The following ZMAT3 variants were observed in gnomAD, a reference collection of about 807,000 sequenced individuals.
The protein encoded by ZMAT3 is zinc finger matrin-type protein 3.
Under a neutral mutation model 32.3 loss-of-function variants are expected in ZMAT3, and 17 were observed. The observed-to-expected ratio is 0.53, with a 90% CI of 0.36 to 0.79. The LOEUF is 0.79. Among genes scored for constraint, ZMAT3 ranks in the 30% least tolerant of loss-of-function variants. The pLI is 0.00. For missense variants in ZMAT3, 329 were observed against 359.7 expected (o/e 0.91, Z 0.69); for synonymous variants, 120 against 133.1 (o/e 0.90, Z 0.68).
rs1718791306 is a variant in ZMAT3 at position 179,025,057 on chromosome 3, T to A, written c.830A>T (p.Gln277Leu). Reference sequence around the variant, plus strand: ...ATTCTCCATCTCATTCCTGTACCGCTGTTCAGACACCTTGCTCTTATGTTG... The same window carrying A: ...ATTCTCCATCTCATTCCTGTACCGCAGTTCAGACACCTTGCTCTTATGTTG... ...SKQHKSKVSE[Q>L]RYRNEMENLG... The change falls in exon 6 of 6, where the codon CAG becomes CTG. Residue 277 changes from glutamine to leucine, a missense_variant. Transcript: ENST00000311417. 2.5e-6 allele frequency: 4 copies of A among 1,614,234 alleles called. No individual in the cohort carries two copies.
intron 2 of ZMAT3, among the ~76,000 whole-genome samples, chr3:179,065,779 G>T (rs1721382074): frequency 1.3e-5 from 2 of 152,080 alleles, no homozygotes; most frequent in South Asian, 4.1e-4. Flanking sequence ...GCTGGTGTGT[G>T]CCTGTAATCC....
At chr3:179,055,837 T>A (rs1391176866) in intron 2 of ZMAT3, among the ~76,000 whole-genome samples, 1 of 151,932 alleles carries the variant, frequency 6.6e-6, no homozygotes, top group Non-Finnish European at 1.5e-5. Context: ...AGCCCGAGAG[T>A]TTGGCGATCT....
intron 2 of ZMAT3, among the ~76,000 whole-genome samples, chr3:179,036,169 A>G (rs1321249175): frequency 6.6e-6 from 1 of 152,246 alleles, no homozygotes; most frequent in East Asian, 1.9e-4. Context: ...TCAGGGTAGC[A>G]GACCAAAGCT....
In ZMAT3 at chr3:179,024,784, C is replaced by T; in HGVS notation, c.*233G>A. 1 of 507,766 alleles carries T rather than the reference C, an allele frequency of 2.0e-6. No individual in the cohort carries two copies. Among genetic ancestry groups the T allele is most frequent in the Non-Finnish European group, 3.6e-6 (1 of 279,652 alleles). The allele number at this position is 507,766 out of a possible 1,614,324, so 31.5% of individuals were successfully genotyped here. A position where few individuals can be genotyped will look rare whatever the true frequency, so the allele number is the denominator to read the frequency against. The stretch of plus-strand genomic sequence containing the variant: ...AGGTCACATGCTATGAGCGGCTCAA[C>T]ACCATTGACCCTGCAAAAGCGTTAT... On this transcript the variant is annotated 3_prime_UTR_variant, in exon 6 of 6. Transcript: ENST00000311417.
intron 2 of ZMAT3, among the ~76,000 whole-genome samples, chr3:179,043,245 A>G (rs1720051406): frequency 1.3e-5 from 2 of 149,466 alleles, no homozygotes; most frequent in Admixed American, 6.7e-5. Context: ...TATGGAACCA[A>G]AAAAAGAGCC....
chr3:179,072,472 C>T (rs2108598087), upstream of ZMAT3, among the ~76,000 whole-genome samples: 1 of 152,252 alleles, frequency 6.6e-6, no homozygotes, highest in East Asian at 1.9e-4. Context: ...GATGTCACAT[C>T]CTTCATAACC....
chr3:179,025,300 G>GAATTA, intron 5 of ZMAT3, 72 bp from the exon 6 acceptor site: 1 of 1,191,850 alleles, frequency 8.4e-7, no homozygotes, highest in Non-Finnish European at 1.2e-6. Context: ...AATTATCACT[G>GAATTA]TAATTTGTAA....
At position 179,018,798 on chromosome 3, in the gene ZMAT3, T is replaced by G. The variant is rs1718398752; in HGVS notation, c.*6219A>C. On this transcript the variant is annotated 3_prime_UTR_variant, in exon 6 of 6. Transcript: ENST00000311417. ...ACAGTACAATCATTTTTAATTCTGC[T>G]AATTATAGCTGGAGGAAGTGTGGAT... 1 of 152,234 alleles carries G rather than the reference T, an allele frequency of 6.6e-6. No individual in the cohort carries two copies. The highest frequency in any genetic ancestry group is 1.5e-5 in the Non-Finnish European group (1 of 68,028). The allele number at this position is 152,234 out of a possible 1,614,324, so 9.4% of individuals were successfully genotyped here.
In ZMAT3 at chr3:179,018,147, GATA is replaced by G. The variant is rs374504177; in HGVS notation, c.*6867_*6869del. ...CTGCCCTATTTGCGCTTTGCCCTAG[GATA>G]ATATCACTCATTCTGACATGTGGAG... On this transcript the variant is annotated 3_prime_UTR_variant, in exon 6 of 6. Coordinates refer to ENST00000311417, the MANE Select transcript of ZMAT3 (RefSeq NM_022470.4). 29 of 152,126 alleles carry G rather than the reference GATA, an allele frequency of 1.9e-4. No individual in the cohort carries two copies. The highest frequency in any genetic ancestry group is 7.0e-4 in the African/African-American group (29 of 41,502). 9.4% of individuals were successfully genotyped at this position (152,126 alleles called of 1,614,324 possible). A position where few individuals can be genotyped will look rare whatever the true frequency, so the allele number is the denominator to read the frequency against.
chr3:179,067,361 A>G, intron 2 of ZMAT3, 122 bp downstream of exon 2: 2 of 1,017,432 alleles, frequency 2.0e-6, no homozygotes, highest in South Asian at 3.2e-5. Context: ...ATTCATAGTT[A>G]GTTGTTCTCT....
rs2108591997 is a variant in ZMAT3, at chr3:179,067,605, C to T, written c.148G>A (p.Glu50Lys). ...TCCCCTCCCTTCGATAACTCTTCTTCCCCTGCAAGAGGCAAGGAAGCCTCC... is the reference window on the plus strand; with the variant it reads ...TCCCCTCCCTTCGATAACTCTTCTTTCCCTGCAAGAGGCAAGGAAGCCTCC... ...GQEASLPLAGEEELSKGGEQD... is the reference protein window; with the variant it reads ...GQEASLPLAGKEELSKGGEQD... The change falls in exon 2 of 6, where the codon GAA (glutamate) becomes AAA (lysine). Residue 50 changes from glutamate (E) to lysine (K), a missense_variant. Glu to Lys is a moderately conservative substitution (Grantham distance 56, BLOSUM62 1). Coordinates refer to ENST00000311417, the MANE Select transcript of ZMAT3 (RefSeq NM_022470.4). The T allele has an allele frequency of 6.2e-7, 1 of 1,614,230 alleles. No individual in the cohort carries two copies. The highest frequency in any genetic ancestry group is 8.5e-7 in the Non-Finnish European group (1 of 1,180,040).
chr3:179,059,206 A>AAGGACCC (rs1721023630), intron 2 of ZMAT3, among the ~76,000 whole-genome samples: 1 of 152,136 alleles, frequency 6.6e-6, no homozygotes, highest in South Asian at 2.1e-4. Flanking sequence ...ATGCTTATAG[A>AAGGACCC]AGGACCCCTA....
At chr3:179,055,468 C>A (rs1720787320) in intron 2 of ZMAT3, among the ~76,000 whole-genome samples, 2 of 151,610 alleles carry the variant, frequency 1.3e-5, no homozygotes, top group Admixed American at 1.3e-4. Context: ...ACCTCCCTAC[C>A]CCAGCGTCCC....
intron 2 of ZMAT3, among the ~76,000 whole-genome samples, chr3:179,035,209 C>G (rs1160962866): frequency 6.6e-6 from 1 of 152,146 alleles, no homozygotes; most frequent in Non-Finnish European, 1.5e-5. Flanking sequence ...GTTCTGGCCC[C>G]ATCTAATTGA....
intron 2 of ZMAT3, among the ~76,000 whole-genome samples, chr3:179,036,582 G>A (rs887370472): frequency 3.3e-5 from 5 of 152,110 alleles, no homozygotes; most frequent in South Asian, 2.1e-4. Context: ...GAGGTGAACC[G>A]CAGGGTAGAT....
At position 179,018,592 on chromosome 3, in the gene ZMAT3, C is replaced by T. The variant is rs938099714; in HGVS notation, c.*6425G>A. On this transcript the variant is annotated 3_prime_UTR_variant, in exon 6 of 6. Coordinates refer to ENST00000311417, the MANE Select transcript of ZMAT3 (RefSeq NM_022470.4). Reference sequence around the variant, plus strand: ...ACATTTCAATTCTGATTCAATTCTACCCATTGAATCTTCATGACCTGGAGA... The same window carrying T: ...ACATTTCAATTCTGATTCAATTCTATCCATTGAATCTTCATGACCTGGAGA... 1.3e-5 allele frequency: 2 copies of T among 151,582 alleles called. No individual in the cohort carries two copies. Among genetic ancestry groups the T allele is most frequent in the South Asian group, 4.2e-4 (2 of 4,788 alleles). 9.4% of individuals were successfully genotyped at this position (151,582 alleles called of 1,614,324 possible).
rs1718745211 is a variant in ZMAT3, at chr3:179,024,472, A to C, written c.*545T>G. On this transcript the variant is annotated 3_prime_UTR_variant, in exon 6 of 6. Coordinates refer to ENST00000311417, the MANE Select transcript of ZMAT3 (RefSeq NM_022470.4). ...GTACATAAAACTACAATTGCAAAAG[A>C]AAATGGCAGAAAAAAATGTCCCGGG... The C allele has an allele frequency of 6.5e-6, 1 of 153,566 alleles. No individual in the cohort carries two copies. The highest frequency in any genetic ancestry group is 6.4e-5 in the Admixed American group (1 of 15,684). 9.5% of individuals were successfully genotyped at this position (153,566 alleles called of 1,614,324 possible). A position where few individuals can be genotyped will look rare whatever the true frequency, so the allele number is the denominator to read the frequency against.
chr3:179,045,758 T>C lies in ZMAT3; in HGVS notation c.271-14759A>G, dbSNP rs185727963. Among the ~76,000 whole-genome samples, 550 of 152,306 alleles carry C rather than the reference T, an allele frequency of 3.6e-3. 3 individuals are homozygous for C. The highest frequency in any genetic ancestry group is 0.013 in the African/African-American group (520 of 41,576). On this transcript the variant is annotated intron_variant, in intron 2 of 5. Transcript: ENST00000311417. ...AATTAATAATTTTTACTCCTTAAGCTAGATGGCAAATACAAATGTTTATTA... is the reference window on the plus strand; with the variant it reads ...AATTAATAATTTTTACTCCTTAAGCCAGATGGCAAATACAAATGTTTATTA...
chr3:179,027,052 G>A (rs1718910287), intron 5 of ZMAT3, among the ~76,000 whole-genome samples: 1 of 152,110 alleles, frequency 6.6e-6, no homozygotes, highest in Non-Finnish European at 1.5e-5. Flanking sequence ...TGTTTCACTA[G>A]CCTGGTTAAA....
Sources: gnomAD v4.1 joint callset for allele counts (sites outside exome capture counted in the v4.1 genomes callset) on GRCh38, gnomAD v4.1.1 for gene constraint, MANE v1.5 for transcripts, NCBI Gene and HGNC (gene_info 2026-07-23, HGNC 2026-07-21) for gene names.